The following NKAIN1 variants were observed in gnomAD, a reference collection of about 807,000 sequenced individuals.
The protein encoded by NKAIN1 is sodium/potassium-transporting ATPase subunit beta-1-interacting protein 1.
A neutral mutation model predicts 31.6 loss-of-function variants in NKAIN1; 13 were observed. The observed-to-expected ratio is 0.41, with a 90% CI of 0.27 to 0.65. The LOEUF is 0.65. NKAIN1 is among the 30% of genes least tolerant of loss of function. The probability of loss-of-function intolerance (pLI) is 0.30; values close to 1 mark genes in which losing one functional copy is unlikely to be tolerated. For missense variants in NKAIN1, 193 were observed against 262.2 expected (o/e 0.74, Z 1.82); for synonymous variants, 104 against 109.0 (o/e 0.95, Z 0.28).
In NKAIN1 at chr1:31,207,060, T is replaced by C. The variant is rs114940218; in HGVS notation, c.55-18873A>G. Among the ~76,000 whole-genome samples the C allele has an allele frequency of 3.9e-3, 590 of 152,298 alleles. 3 individuals carry two copies. The highest frequency in any genetic ancestry group is 0.013 in the African/African-American group (550 of 41,560). On this transcript the variant is annotated intron_variant, in intron 1 of 6. Transcript: ENST00000373736. ...GGCTGTATGTGCTTTTTAAACTGTGTAGTGCTGTGCCCACATGTGCCATTA... is the reference window on the plus strand; with the variant it reads ...GGCTGTATGTGCTTTTTAAACTGTGCAGTGCTGTGCCCACATGTGCCATTA...
At chr1:31,223,464 G>A (rs566458440) in intron 1 of NKAIN1, among the ~76,000 whole-genome samples, 4 of 151,710 alleles carry the variant, frequency 2.6e-5, no homozygotes, top group South Asian at 4.2e-4. Flanking sequence ...TTTTTGAGAC[G>A]GAGTCTCGCT....
intron 1 of NKAIN1, among the ~76,000 whole-genome samples, chr1:31,216,852 C>T (rs916703024): frequency 6.6e-6 from 1 of 151,920 alleles, no homozygotes; most frequent in African/African-American, 2.4e-5. Context: ...TGCCACCACG[C>T]CTAGCTAATT....
In NKAIN1 at chr1:31,188,061, A is replaced by G; in HGVS notation, c.181T>C (p.Tyr61His). 2 of 1,553,398 alleles carry G rather than the reference A, an allele frequency of 1.3e-6. No homozygotes were observed. Among genetic ancestry groups the G allele is most frequent in the Non-Finnish European group, 1.7e-6 (2 of 1,148,038 alleles). Residue 61 changes from tyrosine to histidine, a missense_variant, in exon 2 of 7, where the codon TAC becomes CAC. By Grantham distance (83) the Tyr-to-His change is moderately conservative. Transcript: ENST00000373736. Reference sequence around the variant, plus strand: ...TAGGTGAGCCGTACCAGGATGAGGTACCGGGAGCGGTACTGCACGGTGCCA... The same window carrying G: ...TAGGTGAGCCGTACCAGGATGAGGTGCCGGGAGCGGTACTGCACGGTGCCA... ...IFGTVQYRSR[Y>H]LILYAAWLVL...
chr1:31,205,634 T>TTTG (rs1645417959), intron 1 of NKAIN1, among the ~76,000 whole-genome samples: 1 of 147,786 alleles, frequency 6.8e-6, no homozygotes, highest in South Asian at 2.2e-4. Flanking sequence ...TTTTTTTTTT[T>TTTG]TGAGATGGAG....
At chr1:31,184,824 G>GTC (rs1645229920) in intron 3 of NKAIN1, among the ~76,000 whole-genome samples, 1 of 152,096 alleles carries the variant, frequency 6.6e-6, no homozygotes, top group Admixed American at 6.6e-5. Flanking sequence ...ACTCTAACTA[G>GTC]TCTCTTTCCC....
At chr1:31,215,891 T>C (rs1440187442) in intron 1 of NKAIN1, among the ~76,000 whole-genome samples, 1 of 152,180 alleles carries the variant, frequency 6.6e-6, no homozygotes, top group Non-Finnish European at 1.5e-5. Context: ...ACATGGACTC[T>C]GGGCCAGCAC....
At position 31,181,405 on chromosome 1, in the gene NKAIN1, C is replaced by T. The variant is rs1434108380; in HGVS notation, c.*298G>A. 5.7e-6 allele frequency: 2 copies of T among 352,466 alleles called. No individual in the cohort carries two copies. Among genetic ancestry groups the T allele is most frequent in the Non-Finnish European group, 1.0e-5 (2 of 197,286 alleles). The allele number at this position is 352,466 out of a possible 1,614,324, so 21.8% of individuals were successfully genotyped here. ...GGAGAGGCTGGAGAAGAGAGGAAGG[C>T]CCCAGCTCACGCCAAGGCTGAGATT... is the stretch of plus-strand genomic sequence containing the variant. On this transcript the variant is annotated 3_prime_UTR_variant, in exon 7 of 7. Coordinates refer to ENST00000373736, the MANE Select transcript of NKAIN1 (RefSeq NM_024522.3).
At position 31,183,776 on chromosome 1, in the gene NKAIN1, G is replaced by A. The variant is rs768407139; in HGVS notation, c.471+41C>T. The stretch of plus-strand genomic sequence containing the variant: ...CCCCTCAACCAGAGCTAAAGAAAGG[G>A]ATCGGGAAGTGTGTGTAGGGTGGGG... On this transcript the variant is annotated intron_variant, in intron 4 of 6. Transcript: ENST00000373736. 87 of 1,572,586 alleles carry A rather than the reference G, an allele frequency of 5.5e-5. 1 individual carries two copies. The South Asian group carries it at 1.0e-3, about 18-fold the overall frequency.
chr1:31,182,412 G>A (rs1048719728), intron 5 of NKAIN1, 118 bp downstream of exon 5: 1 of 1,138,068 alleles, frequency 8.8e-7, no homozygotes, highest in Non-Finnish European at 1.3e-6. Context: ...TCTTCCCCTC[G>A]AAAGGGGCCC....
chr1:31,196,524 A>AG (rs1645328795), intron 1 of NKAIN1, among the ~76,000 whole-genome samples: 1 of 149,718 alleles, frequency 6.7e-6, no homozygotes, highest in Admixed American at 6.7e-5. Flanking sequence ...AAAAAAAAAA[A>AG]AAAAATAGAA....
Position 31,206,227 on chromosome 1 carries a change from C to T in NKAIN1, c.55-18040G>A, listed in dbSNP as rs1223900391. Among the ~76,000 whole-genome samples the T allele has an allele frequency of 1.5e-4, 3 of 20,618 alleles. No homozygotes were observed. In the East Asian group the frequency reaches 2.8e-3, roughly 19 times the overall value. 13.5% of individuals were successfully genotyped at this position (20,618 alleles called of 152,430 possible). A position where few individuals can be genotyped will look rare whatever the true frequency, so the allele number is the denominator to read the frequency against. ...TCCAGCCTGGGCAACAAGAGCAAAA[C>T]TCCATCTCAAAAATAAATAAATAAA... On this transcript the variant is annotated intron_variant, in intron 1 of 6. Transcript: ENST00000373736.
At chr1:31,225,042 T>TTTTTTTTTTTTTTTTTTC (rs1645592886) in intron 1 of NKAIN1, among the ~76,000 whole-genome samples, 1 of 146,284 alleles carries the variant, frequency 6.8e-6, no homozygotes, top group African/African-American at 2.6e-5. Flanking sequence ...TCTTTTTTTT[T>TTTTTTTTTTTTTTTTTTC]TTTTGAGACG....
At chr1:31,196,439 G>C (rs1645327525) in intron 1 of NKAIN1, among the ~76,000 whole-genome samples, 1 of 151,426 alleles carries the variant, frequency 6.6e-6, no homozygotes, top group East Asian at 1.9e-4. Flanking sequence ...CTTGAACCCA[G>C]GAGGCGGAGC....
At chr1:31,225,037 T>TC (rs1198483630) in intron 1 of NKAIN1, among the ~76,000 whole-genome samples, 8 of 140,632 alleles carry the variant, frequency 5.7e-5, no homozygotes, top group African/African-American at 1.2e-4. Context: ...TCTTTTCTTT[T>TC]TTTTTTTTTG....
rs185161252 is a variant in NKAIN1 at position 31,205,170 on chromosome 1, G to A, written c.55-16983C>T. Among the ~76,000 whole-genome samples the A allele has an allele frequency of 1.3e-4, 20 of 151,808 alleles. No individual in the cohort carries two copies. In the East Asian group the frequency reaches 1.6e-3, roughly 12 times the overall value. On this transcript the variant is annotated intron_variant, in intron 1 of 6. Coordinates refer to ENST00000373736, the MANE Select transcript of NKAIN1 (RefSeq NM_024522.3). The stretch of plus-strand genomic sequence containing the variant: ...TTTTTTTTGTTTGAGATGGAGTCTC[G>A]CCCGGGCTGGAATACAATGGCTCGA...
At chr1:31,214,032 T>A (rs74869430) in intron 1 of NKAIN1, among the ~76,000 whole-genome samples, 82,912 of 148,864 alleles carry the variant, frequency 0.56, 26,045 homozygotes, top group Middle Eastern at 0.82. Flanking sequence ...ATTAATTAAT[T>A]AATTAATTAA....
intron 1 of NKAIN1, among the ~76,000 whole-genome samples, chr1:31,214,939 G>A (rs1645499395): frequency 6.6e-6 from 1 of 152,220 alleles, no homozygotes; most frequent in Admixed American, 6.5e-5. Context: ...AGCCCTCCGG[G>A]CGCCCCCTAG....
intron 1 of NKAIN1, among the ~76,000 whole-genome samples, chr1:31,198,768 G>A (rs74354247): frequency 0.01 from 1,536 of 150,998 alleles, 30 homozygotes; most frequent in African/African-American, 0.035. Flanking sequence ...CCAGCTGAAG[G>A]GGGATGCCGT....
In NKAIN1 at chr1:31,214,027, T is replaced by A. The variant is rs1384674591; in HGVS notation, c.54+25467A>T. Among the ~76,000 whole-genome samples, 4 of 145,254 alleles carry A rather than the reference T, an allele frequency of 2.8e-5. No individual in the cohort carries two copies. In the South Asian group the frequency reaches 6.6e-4, roughly 24 times the overall value. On this transcript the variant is annotated intron_variant, in intron 1 of 6. Transcript: ENST00000373736. ...AATAAAATAAAAATTAATTAATTAA[T>A]TAATTAATTAATTAAACAAAATAAA... is the stretch of plus-strand genomic sequence containing the variant.
Sources: gnomAD v4.1 joint callset for allele counts (sites outside exome capture counted in the v4.1 genomes callset) on GRCh38, gnomAD v4.1.1 for gene constraint, MANE v1.5 for transcripts, NCBI Gene and HGNC (gene_info 2026-07-23, HGNC 2026-07-21) for gene names.